PTGES2: variants seen among roughly 807,000 people sequenced by gnomAD.
PTGES2 encodes the protein GATE-binding factor 1.
Under a neutral mutation model 44.5 loss-of-function variants are expected in PTGES2, and 35 were observed. The ratio of observed to expected loss-of-function variants is 0.79; its 90% confidence interval spans 0.60 to 1.04. The LOEUF is 1.04. PTGES2 is among the 50% of genes least tolerant of loss of function. The pLI is 0.00. For missense variants in PTGES2, 517 were observed against 521.4 expected (o/e 0.99, Z 0.08); for synonymous variants, 221 against 227.5 (o/e 0.97, Z 0.26).
chr9:128,126,796 G>T (rs1297976897), intron 1 of PTGES2, among the ~76,000 whole-genome samples: 2 of 151,260 alleles, frequency 1.3e-5, no homozygotes, highest in African/African-American at 4.9e-5. Context: ...GGAGGCGGAG[G>T]TTGCAGTGAA....
Position 128,127,596 on chromosome 9 carries a change from G to A in PTGES2, c.122C>T (p.Ala41Val). 3 of 1,271,698 alleles carry A rather than the reference G, an allele frequency of 2.4e-6. No homozygotes were observed. The highest frequency in any genetic ancestry group is 3.1e-5 in the East Asian group (1 of 31,754). The allele number at this position is 1,271,698 out of a possible 1,614,324, so 78.8% of individuals were successfully genotyped here. A position where few individuals can be genotyped will look rare whatever the true frequency, so the allele number is the denominator to read the frequency against. The change falls in exon 1 of 7, where the codon GCG becomes GTG. Residue 41 changes from alanine to valine, a missense_variant. By Grantham distance (64) the Ala-to-Val change is moderately conservative. Coordinates refer to ENST00000338961, the MANE Select transcript of PTGES2 (RefSeq NM_025072.7). ...AGCCACGGGGCTCGGGCCGCCCGCC[G>A]CCCCCGCGAAGCCAGCCCGGCTCTG... The part of the protein sequence containing the change: ...PTQSRAGFAG[A>V]AGGPSPVAAA...
chr9:128,128,143 G>C, upstream of PTGES2: 1 of 345,780 alleles, frequency 2.9e-6, no homozygotes, highest in South Asian at 2.1e-5. Context: ...GCCACTGAAA[G>C]CCCCGGAAAC....
upstream of PTGES2, chr9:128,127,934 C>A: frequency 2.3e-6 from 1 of 435,236 alleles, no homozygotes; most frequent in Non-Finnish European, 3.9e-6. Flanking sequence ...GTTTGCAGAC[C>A]GTTCCATGCT....
chr9:128,124,885 T>C, intron 2 of PTGES2: 1 of 1,247,986 alleles, frequency 8.0e-7, no homozygotes, highest in Non-Finnish European at 1.0e-6. Context: ...CAAGCCAGAA[T>C]ATGGTCCCTT....
intron 3 of PTGES2, 127 bp downstream of exon 3, chr9:128,124,365 C>T (rs982889398): frequency 3.4e-5 from 26 of 758,010 alleles, no homozygotes; most frequent in Non-Finnish European, 4.3e-5. Context: ...ATTACAGGTG[C>T]GAGCCACTCT....
rs1333441129 is a variant in PTGES2, at chr9:128,122,252, C to T, written c.1005+110G>A. 6.1e-6 allele frequency: 5 copies of T among 814,194 alleles called. No individual in the cohort carries two copies. In the African/African-American group the frequency reaches 8.6e-5, roughly 14 times the overall value. The allele number at this position is 814,194 out of a possible 1,614,324, so 50.4% of individuals were successfully genotyped here. On this transcript the variant is annotated intron_variant, in intron 6 of 6. Transcript: ENST00000338961. Reference sequence around the variant, plus strand: ...TTCTGTCCGTGATGGCAGAGAGAGGCAGGTTCCTCTGGCAAGATGCAAGCA... The same window carrying T: ...TTCTGTCCGTGATGGCAGAGAGAGGTAGGTTCCTCTGGCAAGATGCAAGCA...
chr9:128,122,309 A>T, intron 6 of PTGES2, 53 bp downstream of exon 6: 1 of 1,433,234 alleles, frequency 7.0e-7, no homozygotes. Context: ...AACCTCCCCC[A>T]CTCTGAGGAC....
rs995015570 is a variant in PTGES2 at position 128,122,251 on chromosome 9, G to A, written c.1005+111C>T. On this transcript the variant is annotated intron_variant, in intron 6 of 6. Coordinates refer to ENST00000338961, the MANE Select transcript of PTGES2 (RefSeq NM_025072.7). ...TTTCTGTCCGTGATGGCAGAGAGAG[G>A]CAGGTTCCTCTGGCAAGATGCAAGC... 3.7e-6 allele frequency: 3 copies of A among 810,172 alleles called. No individual in the cohort carries two copies. The African/African-American group carries it at 5.1e-5, about 14-fold the overall frequency. The allele number at this position is 810,172 out of a possible 1,614,324, so 50.2% of individuals were successfully genotyped here. A position where few individuals can be genotyped will look rare whatever the true frequency, so the allele number is the denominator to read the frequency against.
Position 128,122,345 on chromosome 9 carries a change from GCCA to G in PTGES2, c.1005+14_1005+16del, listed in dbSNP as rs764021193. 5.0e-6 allele frequency: 8 copies of G among 1,598,622 alleles called. No individual in the cohort carries two copies. Among genetic ancestry groups the G allele is most frequent in the Non-Finnish European group, 6.9e-6 (8 of 1,166,052 alleles). On this transcript the variant is annotated intron_variant, in intron 6 of 6. Transcript: ENST00000338961. Reference sequence around the variant, plus strand: ...AGAACCCTCGGTCCAGGCACCACCTGCCACCACCACACTCACCAAATCAGCGAG... The same window carrying G: ...AGAACCCTCGGTCCAGGCACCACCTGCCACCACACTCACCAAATCAGCGAG...
upstream of PTGES2, chr9:128,127,841 C>G: frequency 1.0e-6 from 1 of 976,408 alleles, no homozygotes; most frequent in Non-Finnish European, 1.3e-6. Flanking sequence ...GCTAAGGGAA[C>G]CCTCAGCGCT....
chr9:128,121,644 G>A (rs1358056180), intron 6 of PTGES2, among the ~76,000 whole-genome samples: 1 of 152,192 alleles, frequency 6.6e-6, no homozygotes, highest in Non-Finnish European at 1.5e-5. Context: ...CAGGCACGCT[G>A]GCTCACGCCT....
Position 128,127,521 on chromosome 9 carries a change from AG to A in PTGES2, c.196del (p.Leu66TrpfsTer37). 7.6e-7 allele frequency: 1 copy of A among 1,320,420 alleles called. No homozygotes were observed. Among genetic ancestry groups the A allele is most frequent in the South Asian group, 2.2e-5 (1 of 46,506 alleles). The allele number at this position is 1,320,420 out of a possible 1,614,324, so 81.8% of individuals were successfully genotyped here. The stretch of plus-strand genomic sequence containing the variant: ...GTGGTACAGCCCCAGGGCTCCCCCC[AG>A]GGCCAGCGCCGCAGCTCCCAGCAGC... Reference protein sequence around the residue: ...PRLLGAAALALGGALGLYHTA... With the variant: ...PRLLGAAALAXGGALGLYHTA... On this transcript the variant is annotated frameshift_variant, in exon 1 of 7. Coordinates refer to ENST00000338961, the MANE Select transcript of PTGES2 (RefSeq NM_025072.7). LOFTEE classifies it high-confidence loss of function.
intron 2 of PTGES2, 50 bp downstream of exon 2, chr9:128,125,194 A>G: frequency 6.6e-7 from 1 of 1,516,798 alleles, no homozygotes; most frequent in Non-Finnish European, 8.9e-7. Flanking sequence ...GGGGCGCTCC[A>G]GGACAACCCA....
At position 128,121,302 on chromosome 9, in the gene PTGES2, T is replaced by C. The variant is rs190686120; in HGVS notation, c.1006-29A>G. ...GGGCACGAACAGAAACGTGTCACCA[T>C]AGCTGGTTTGACAGGCATCCAGACC... is the stretch of plus-strand genomic sequence containing the variant. On this transcript the variant is annotated intron_variant, in intron 6 of 6. Coordinates refer to ENST00000338961, the MANE Select transcript of PTGES2 (RefSeq NM_025072.7). 2.4e-3 allele frequency: 3,900 copies of C among 1,593,572 alleles called. 4 individuals are homozygous for C. The highest frequency in any genetic ancestry group is 3.2e-3 in the Non-Finnish European group (3,695 of 1,165,630).
At chr9:128,126,680 GAGACCCCCGTCTCTA>G (rs1834629936) in intron 1 of PTGES2, among the ~76,000 whole-genome samples, 1 of 151,928 alleles carries the variant, frequency 6.6e-6, no homozygotes, top group Non-Finnish European at 1.5e-5. Flanking sequence ...CCAACATGGT[GAGACCCCCGTCTCTA>G]GTAAAAATAC....
upstream of PTGES2, chr9:128,128,410 G>T: frequency 4.4e-6 from 2 of 452,002 alleles, no homozygotes; most frequent in South Asian, 1.6e-5. Context: ...AGCCTCCACC[G>T]CATAGGCGTC....
In PTGES2 at chr9:128,125,346, C is replaced by T. The variant is rs1158896414; in HGVS notation, c.375G>A (p.Leu125=). Reference sequence around the variant, plus strand: ...GGTTCACCTCCACCACCTGGTAGGGCAGGGCATGGAAGTCGAGGAAGGCTC... The same window carrying T: ...GGTTCACCTCCACCACCTGGTAGGGTAGGGCATGGAAGTCGAGGAAGGCTC... ...KVRAFLDFHA[L]PYQVVEVNPV... The change falls in exon 2 of 7, where the codon CTG becomes CTA. Residue 125 remains leucine, a synonymous_variant. Coordinates refer to ENST00000338961, the MANE Select transcript of PTGES2 (RefSeq NM_025072.7). 2.5e-6 allele frequency: 4 copies of T among 1,614,132 alleles called. No homozygotes were observed. Among genetic ancestry groups the T allele is most frequent in the Admixed American group, 1.7e-5 (1 of 60,012 alleles).
At chr9:128,125,817 TCTCA>T (rs1564212128) in intron 1 of PTGES2, among the ~76,000 whole-genome samples, 1 of 152,194 alleles carries the variant, frequency 6.6e-6, no homozygotes. Context: ...ACTTGTTCAC[TCTCA>T]CTCCTCTAAC....
In PTGES2 at chr9:128,127,701, C is replaced by A. The variant is rs918968953; in HGVS notation, c.17G>T (p.Arg6Leu). Residue 6 changes from arginine to leucine, a missense_variant, in exon 1 of 7, where the codon CGG (arginine) becomes CTG (leucine). Arg to Leu is a moderately radical substitution (Grantham distance 102). Coordinates refer to ENST00000338961, the MANE Select transcript of PTGES2 (RefSeq NM_025072.7). ...ACCAGGCCACAGCGCCCGCACCACC[C>A]GCGCAGCCGGGTCCATGTTCGCTCC... MDPAA[R>L]VVRALWPGGC... 2.8e-5 allele frequency: 36 copies of A among 1,282,964 alleles called. No homozygotes were observed. The highest frequency in any genetic ancestry group is 4.6e-5 in the African/African-American group (3 of 64,544). 79.5% of individuals were successfully genotyped at this position (1,282,964 alleles called of 1,614,324 possible). A position where few individuals can be genotyped will look rare whatever the true frequency, so the allele number is the denominator to read the frequency against.
Sources: allele counts gnomAD v4.1 joint callset (sites outside exome capture counted in the v4.1 genomes callset), GRCh38; gene constraint gnomAD v4.1.1; transcripts MANE v1.5; gene names NCBI Gene and HGNC (gene_info 2026-07-23, HGNC 2026-07-21).